RGS7: variants seen among roughly 807,000 people sequenced by gnomAD.
RGS7 encodes regulator of G-protein signaling 7.
In RGS7, 27 loss-of-function variants were observed where a neutral mutation model predicts 81.1. The observed-to-expected ratio is 0.33, with a 90% CI of 0.25 to 0.46. The LOEUF (loss-of-function observed/expected upper bound fraction) is 0.46, where lower values mean the gene tolerates loss of function less well. Ranked by LOEUF, RGS7 falls within the 20% of genes least tolerant of loss-of-function variation. The pLI is 1.00. For missense variants in RGS7, 396 were observed against 607.4 expected (o/e 0.65, Z 3.66); for synonymous variants, 208 against 207.7 (o/e 1.00, Z -0.01).
intron 2 of RGS7, among the ~76,000 whole-genome samples, chr1:241,143,255 T>C (rs2068061596): frequency 6.6e-6 from 1 of 152,236 alleles, no homozygotes; most frequent in Non-Finnish European, 1.5e-5. Context: ...CCAAAGTCAT[T>C]TCCACATGTT....
intron 4 of RGS7, among the ~76,000 whole-genome samples, chr1:240,963,968 T>C (rs1681884834): frequency 6.6e-6 from 1 of 152,180 alleles, no homozygotes; most frequent in South Asian, 2.1e-4. Flanking sequence ...GCTGTGATTG[T>C]GCCACTGTAC....
chr1:240,933,552 G>A (rs561423788), intron 5 of RGS7, among the ~76,000 whole-genome samples: 2 of 151,408 alleles, frequency 1.3e-5, no homozygotes, highest in East Asian at 1.9e-4. Flanking sequence ...TGTAGTAAAC[G>A]ATAATATAGG....
chr1:241,137,419 TATTC>T (rs1162993354), intron 2 of RGS7, among the ~76,000 whole-genome samples: 6 of 152,252 alleles, frequency 3.9e-5, no homozygotes, highest in Admixed American at 3.9e-4. Flanking sequence ...TTGATATCTT[TATTC>T]ATTGTGTTCC....
chr1:241,289,474 C>T (rs61832568), intron 2 of RGS7, among the ~76,000 whole-genome samples: 13,845 of 152,244 alleles, frequency 0.091, 801 homozygotes, highest in South Asian at 0.17. Context: ...TTTATAGTAA[C>T]AGCTGATGTA....
At chr1:241,183,143 C>G (rs1279596325) in intron 2 of RGS7, among the ~76,000 whole-genome samples, 1 of 152,176 alleles carries the variant, frequency 6.6e-6, no homozygotes, top group Non-Finnish European at 1.5e-5. Context: ...CCAAATACCA[C>G]TCTCATTGCT....
intron 3 of RGS7, among the ~76,000 whole-genome samples, chr1:241,081,011 A>C (rs2063098880): frequency 1.3e-5 from 2 of 152,120 alleles, no homozygotes; most frequent in African/African-American, 4.8e-5. Context: ...CTCCCACCTC[A>C]CTCAAGACCT....
At chr1:240,881,502 TA>T (rs549493519) in intron 6 of RGS7, among the ~76,000 whole-genome samples, 2 of 151,784 alleles carry the variant, frequency 1.3e-5, no homozygotes, top group African/African-American at 2.4e-5. Context: ...AGTATAATAA[TA>T]AAAAAAAGCA....
chr1:240,985,657 C>T (rs1157002686), intron 3 of RGS7, among the ~76,000 whole-genome samples: 2 of 151,948 alleles, frequency 1.3e-5, no homozygotes, highest in Non-Finnish European at 2.9e-5. Flanking sequence ...TGTGATCGCC[C>T]CAGCATATTT....
At chr1:241,188,925 T>G (rs1558169979) in intron 2 of RGS7, among the ~76,000 whole-genome samples, 1 of 152,186 alleles carries the variant, frequency 6.6e-6, no homozygotes, top group Non-Finnish European at 1.5e-5. Flanking sequence ...AACCAAACAA[T>G]ATACGAGTGC....
intron 3 of RGS7, among the ~76,000 whole-genome samples, chr1:241,078,143 T>C (rs984881209): frequency 1.3e-5 from 2 of 149,078 alleles, no homozygotes; most frequent in African/African-American, 2.4e-5. Context: ...TATGCATCTA[T>C]GGGCATATAC....
At chr1:241,201,535 C>A (rs148765252) in intron 2 of RGS7, among the ~76,000 whole-genome samples, 107 of 152,244 alleles carry the variant, frequency 7.0e-4, no homozygotes, top group African/African-American at 2.6e-3. Flanking sequence ...TCTGTACTCA[C>A]CAAAGTGATA....
At chr1:241,334,962 T>C (rs1394926460) in intron 2 of RGS7, among the ~76,000 whole-genome samples, 1 of 152,182 alleles carries the variant, frequency 6.6e-6, no homozygotes, top group African/African-American at 2.4e-5. Flanking sequence ...CAGTTTAATG[T>C]TCTGAACAAT....
At chr1:240,929,273 C>T (rs778415304) in intron 6 of RGS7, among the ~76,000 whole-genome samples, 1 of 152,108 alleles carries the variant, frequency 6.6e-6, no homozygotes, top group African/African-American at 2.4e-5. Flanking sequence ...AGACAATCTC[C>T]AGGCATTATC....
chr1:240,817,520 C>A (rs557365034), intron 10 of RGS7, among the ~76,000 whole-genome samples: 24 of 152,146 alleles, frequency 1.6e-4, no homozygotes, highest in Admixed American at 4.6e-4. Flanking sequence ...CTTAACACTA[C>A]GTCTTGACTC....
intron 4 of RGS7, among the ~76,000 whole-genome samples, chr1:240,950,695 C>G (rs983755478): frequency 2.1e-4 from 32 of 152,194 alleles, no homozygotes; most frequent in Admixed American, 2.1e-3. Context: ...TATCAGATTA[C>G]AGCTGAAAGA....
At chr1:240,831,088 G>A (rs1025873611) in intron 9 of RGS7, among the ~76,000 whole-genome samples, 29 of 151,992 alleles carry the variant, frequency 1.9e-4, no homozygotes, top group Non-Finnish European at 1.3e-4. Flanking sequence ...TTTATAACCC[G>A]GCTCCCATCC....
chr1:241,254,458 T>C (rs1305628681), intron 2 of RGS7, among the ~76,000 whole-genome samples: 1 of 152,156 alleles, frequency 6.6e-6, no homozygotes, highest in African/African-American at 2.4e-5. Flanking sequence ...CCATCATGGC[T>C]CTTCCTGGTT....
intron 14 of RGS7, among the ~76,000 whole-genome samples, chr1:240,809,658 T>C (rs1689500721): frequency 6.6e-6 from 1 of 152,202 alleles, no homozygotes; most frequent in South Asian, 2.1e-4. Context: ...TTTATGTTGT[T>C]TTGGTGGTTG....
chr1:240,786,757 A>C (rs1184844812), intron 18 of RGS7, among the ~76,000 whole-genome samples: 1 of 152,266 alleles, frequency 6.6e-6, no homozygotes, highest in Admixed American at 6.5e-5. Flanking sequence ...TATCATTAAA[A>C]GAAACAAAAG....
Sources: allele counts gnomAD v4.1 joint callset (sites outside exome capture counted in the v4.1 genomes callset), GRCh38; gene constraint gnomAD v4.1.1; transcripts MANE v1.5; gene names NCBI Gene and HGNC (gene_info 2026-07-23, HGNC 2026-07-21).